TACC2: variants seen among roughly 807,000 people sequenced by gnomAD.
TACC2 encodes transforming acidic coiled-coil-containing protein 2.
Under a neutral mutation model 227.3 loss-of-function variants are expected in TACC2, and 137 were observed. The ratio of observed to expected loss-of-function variants is 0.60; its 90% CI spans 0.52 to 0.69. TACC2 has a LOEUF of 0.69. TACC2 is among the 30% of genes least tolerant of loss of function. The probability of loss-of-function intolerance (pLI) is 0.00; values close to 1 mark genes in which losing one functional copy is unlikely to be tolerated. For missense variants in TACC2, 3,470 were observed against 3,694.4 expected (o/e 0.94, Z 1.57); for synonymous variants, 1,523 against 1,487.5 (o/e 1.02, Z -0.55).
At chr10:122,058,894 G>GTT (rs34253781) in intron 3 of TACC2, among the ~76,000 whole-genome samples, 15 of 136,782 alleles carry the variant, frequency 1.1e-4, no homozygotes, top group African/African-American at 2.7e-4. Flanking sequence ...CCCTCTGTGT[G>GTT]TTTTTTTTTT....
intron 5 of TACC2, among the ~76,000 whole-genome samples, chr10:122,122,203 A>C (rs1428843542): frequency 6.6e-6 from 1 of 152,052 alleles, no homozygotes; most frequent in East Asian, 1.9e-4. Flanking sequence ...AAAATACAAA[A>C]AATTAGCCGG....
chr10:122,204,594 G>T (rs2095040394), intron 8 of TACC2, among the ~76,000 whole-genome samples: 1 of 152,212 alleles, frequency 6.6e-6, no homozygotes, highest in Non-Finnish European at 1.5e-5. Flanking sequence ...TCAGCACTTT[G>T]GGAGGCTGAG....
At chr10:122,228,362 T>C (rs1455821160) in intron 14 of TACC2, among the ~76,000 whole-genome samples, 1 of 152,230 alleles carries the variant, frequency 6.6e-6, no homozygotes, top group Non-Finnish European at 1.5e-5. Context: ...GGACCCTTTT[T>C]TGGGAAACAG....
intron 1 of TACC2, among the ~76,000 whole-genome samples, chr10:122,003,971 A>C (rs942777275): frequency 6.6e-6 from 1 of 152,074 alleles, no homozygotes; most frequent in Non-Finnish European, 1.5e-5. Flanking sequence ...CTGCCTTTAT[A>C]AAACTAATGA....
intron 1 of TACC2, among the ~76,000 whole-genome samples, chr10:122,007,378 A>G (rs1369826408): frequency 2.0e-5 from 3 of 152,162 alleles, no homozygotes; most frequent in Non-Finnish European, 2.9e-5. Flanking sequence ...ATATGCTGAA[A>G]TGCAGACTTG....
intron 8 of TACC2, among the ~76,000 whole-genome samples, chr10:122,206,464 G>T (rs959867045): frequency 1.3e-5 from 2 of 152,244 alleles, no homozygotes; most frequent in Admixed American, 6.5e-5. Flanking sequence ...ATGGGGACCA[G>T]TGTTCCTATA....
chr10:122,077,114 C>CAAAA (rs973879242), intron 3 of TACC2, among the ~76,000 whole-genome samples: 8 of 67,000 alleles, frequency 1.2e-4, no homozygotes, highest in African/African-American at 1.2e-4. Flanking sequence ...GACTCTGTCT[C>CAAAA]AAAAAAAAAA....
chr10:122,091,740 A>G (rs942570176), intron 5 of TACC2, among the ~76,000 whole-genome samples: 7 of 152,112 alleles, frequency 4.6e-5, no homozygotes, highest in African/African-American at 1.4e-4. Flanking sequence ...CTGCCAGGCC[A>G]GGGGCTGTAC....
chr10:122,253,257 G>A (rs1020401582), intron 22 of TACC2, among the ~76,000 whole-genome samples: 2 of 152,210 alleles, frequency 1.3e-5, no homozygotes, highest in African/African-American at 2.4e-5. Context: ...GAGATCGGTC[G>A]TGCTGTTGAA....
chr10:122,062,019 G>A (rs980876062), intron 3 of TACC2, among the ~76,000 whole-genome samples: 1 of 142,522 alleles, frequency 7.0e-6, no homozygotes, highest in East Asian at 2.2e-4. Flanking sequence ...GGACATGTCA[G>A]AGCGGCTTTT....
chr10:122,010,043 A>G (rs1025314874), intron 1 of TACC2, among the ~76,000 whole-genome samples: 10 of 152,348 alleles, frequency 6.6e-5, no homozygotes, highest in African/African-American at 2.4e-4. Flanking sequence ...GCAAAGTCCT[A>G]TGATGTCACA....
intron 3 of TACC2, among the ~76,000 whole-genome samples, chr10:122,080,241 T>C (rs1259264945): frequency 6.6e-6 from 1 of 150,490 alleles, no homozygotes; most frequent in African/African-American, 2.5e-5. Flanking sequence ...TTTTTGTGTT[T>C]TTTTGTTTTG....
At chr10:122,243,650 C>CA (rs1306427747) in intron 19 of TACC2, among the ~76,000 whole-genome samples, 1 of 151,890 alleles carries the variant, frequency 6.6e-6, no homozygotes, top group African/African-American at 2.4e-5. Context: ...AAAATGCTGG[C>CA]AAAAATGGTC....
At chr10:122,033,077 A>G in intron 2 of TACC2, 1 of 1,288,178 alleles carries the variant, frequency 7.8e-7, no homozygotes, top group South Asian at 1.2e-5. Context: ...TAACGGTGAG[A>G]TCCCTTTGCA....
At chr10:122,172,147 G>A (rs1321209381) in intron 7 of TACC2, among the ~76,000 whole-genome samples, 3 of 152,202 alleles carry the variant, frequency 2.0e-5, no homozygotes, top group African/African-American at 7.2e-5. Context: ...CTAGAGATGA[G>A]CTAGATTGTA....
chr10:122,253,890 C>T (rs1173122742), intron 22 of TACC2, 101 bp from the exon 23 acceptor site: 17 of 912,482 alleles, frequency 1.9e-5, no homozygotes, highest in Non-Finnish European at 2.7e-5. Context: ...TAGTGGGGAC[C>T]AAGGGGCCTG....
chr10:122,176,426 A>G (rs1234791259), intron 7 of TACC2, among the ~76,000 whole-genome samples: 1 of 152,100 alleles, frequency 6.6e-6, no homozygotes, highest in Non-Finnish European at 1.5e-5. Flanking sequence ...TCGGTTGGAC[A>G]GTGGTTTTGT....
At position 122,086,522 on chromosome 10, in the gene TACC2, C is replaced by A. The variant is rs1348904647; in HGVS notation, c.4022C>A (p.Ala1341Glu). Residue 1341 changes from alanine (A) to glutamate (E), a missense_variant, in exon 4 of 23, where the codon GCA becomes GAA. Transcript: ENST00000369005. The part of the protein sequence containing the change: ...RMPLLAKGKQ[A>E]TGEEKAATAP... ...CCACTTCTGGCCAAGGGCAAGCAGG[C>A]AACAGGGGAAGAGAAAGCAGCAACA... The A allele has an allele frequency of 1.9e-6, 3 of 1,611,842 alleles. No individual in the cohort carries two copies. The highest frequency in any genetic ancestry group is 1.7e-6 in the Non-Finnish European group (2 of 1,179,044).
At chr10:122,015,131 A>G (rs909543098) in intron 1 of TACC2, among the ~76,000 whole-genome samples, 8 of 151,588 alleles carry the variant, frequency 5.3e-5, no homozygotes, top group East Asian at 1.9e-4. Context: ...AGGACAAAAC[A>G]TATCTCATAG....
Sources: gnomAD v4.1 joint callset for allele counts (sites outside exome capture counted in the v4.1 genomes callset) on GRCh38, gnomAD v4.1.1 for gene constraint, MANE v1.5 for transcripts, NCBI Gene and HGNC (gene_info 2026-07-23, HGNC 2026-07-21) for gene names.